ATP9B: variants seen among roughly 807,000 people sequenced by gnomAD.
The protein encoded by ATP9B is ATPase phospholipid transporting 9B.
Under a neutral mutation model 146.1 loss-of-function variants are expected in ATP9B, and 110 were observed. The ratio of observed to expected loss-of-function variants is 0.75; its 90% CI spans 0.65 to 0.88. ATP9B has a LOEUF of 0.88. ATP9B is among the 40% of genes least tolerant of loss of function. The pLI, the probability that ATP9B is intolerant of heterozygous loss-of-function variation, is 0.00. For missense variants in ATP9B, 1,499 were observed against 1,496.4 expected (o/e 1.00, Z -0.03); for synonymous variants, 604 against 569.7 (o/e 1.06, Z -0.86).
chr18:79,136,133 AATT>A (rs2094444823), intron 5 of ATP9B, among the ~76,000 whole-genome samples: 1 of 151,286 alleles, frequency 6.6e-6, no homozygotes, highest in Non-Finnish European at 1.5e-5. Context: ...TAATACAACT[AATT>A]ATTAATACAA....
At chr18:79,089,071 G>A (rs1363971719) in intron 1 of ATP9B, among the ~76,000 whole-genome samples, 1 of 152,060 alleles carries the variant, frequency 6.6e-6, no homozygotes, top group African/African-American at 2.4e-5. Context: ...CTTTGTGATG[G>A]CATAAGAATG....
intron 29 of ATP9B, chr18:79,376,133 G>C: frequency 1.0e-6 from 1 of 975,720 alleles, no homozygotes; most frequent in Non-Finnish European, 1.2e-6. Context: ...GCTGCCCTCT[G>C]TTGCCCCCAG....
intron 21 of ATP9B, among the ~76,000 whole-genome samples, chr18:79,345,016 G>A (rs2096878746): frequency 2.0e-5 from 3 of 152,194 alleles, no homozygotes; most frequent in Admixed American, 2.0e-4. Context: ...GTTGTTGCTA[G>A]TGTCCTCAGA....
At chr18:79,281,505 A>G (rs994909816) in intron 13 of ATP9B, among the ~76,000 whole-genome samples, 5 of 152,214 alleles carry the variant, frequency 3.3e-5, no homozygotes, top group African/African-American at 1.2e-4. Context: ...TTCAAAAAAA[A>G]AAAGTAAGAC....
chr18:79,351,366 A>AGTAACTCT (rs1234834500), intron 25 of ATP9B, among the ~76,000 whole-genome samples: 13 of 152,188 alleles, frequency 8.5e-5, no homozygotes, highest in Non-Finnish European at 1.9e-4. Flanking sequence ...CTTCATGTAA[A>AGTAACTCT]GTAACTCTGA....
At chr18:79,355,584 A>C (rs1289651570) in intron 25 of ATP9B, among the ~76,000 whole-genome samples, 2 of 152,200 alleles carry the variant, frequency 1.3e-5, no homozygotes, top group African/African-American at 4.8e-5. Flanking sequence ...CTGAAAAAAA[A>C]TGGATCAGAG....
intron 12 of ATP9B, among the ~76,000 whole-genome samples, chr18:79,270,379 T>C: frequency 6.6e-6 from 1 of 152,196 alleles, no homozygotes; most frequent in South Asian, 2.1e-4. Context: ...TATTTTACTT[T>C]AAAATTTTTA....
chr18:79,179,242 G>C (rs2095220560), intron 8 of ATP9B, among the ~76,000 whole-genome samples: 1 of 151,644 alleles, frequency 6.6e-6, no homozygotes, highest in African/African-American at 2.4e-5. Context: ...ACTTGTTTTT[G>C]GTTTCATTGA....
At chr18:79,100,791 C>T (rs1043273442) in intron 2 of ATP9B, among the ~76,000 whole-genome samples, 11 of 152,160 alleles carry the variant, frequency 7.2e-5, no homozygotes, top group African/African-American at 2.6e-4. Context: ...TGGCAGAAGG[C>T]AAGGAGGAAC....
intron 7 of ATP9B, among the ~76,000 whole-genome samples, chr18:79,166,991 G>A (rs906247183): frequency 2.6e-5 from 4 of 152,172 alleles, no homozygotes; most frequent in Non-Finnish European, 5.9e-5. Context: ...TCTGTGTGAG[G>A]CTGTGGCCAA....
intron 4 of ATP9B, among the ~76,000 whole-genome samples, chr18:79,114,754 G>A (rs1036980471): frequency 6.6e-6 from 1 of 152,050 alleles, no homozygotes; most frequent in South Asian, 2.1e-4. Context: ...TAACACTGTG[G>A]CGCTCATCCC....
chr18:79,120,215 T>C (rs967262976), intron 4 of ATP9B, among the ~76,000 whole-genome samples: 1 of 152,224 alleles, frequency 6.6e-6, no homozygotes, highest in Admixed American at 6.5e-5. Flanking sequence ...TCTTTTGTTC[T>C]CTAAGGTTCT....
rs2094417109 is a variant in ATP9B at position 79,134,044 on chromosome 18, C to T, written c.667+7669C>T. Reference sequence around the variant, plus strand: ...AAGTGCATCTGATGCCATTTTATGGCTTAGAACCCTTGAGTCGCATGTGAC... The same window carrying T: ...AAGTGCATCTGATGCCATTTTATGGTTTAGAACCCTTGAGTCGCATGTGAC... On this transcript the variant is annotated intron_variant, in intron 5 of 29. Coordinates refer to ENST00000426216, the MANE Select transcript of ATP9B (RefSeq NM_198531.5). Among the ~76,000 whole-genome samples the T allele has an allele frequency of 5.3e-5, 8 of 152,336 alleles. No homozygotes were observed. In the South Asian group the frequency reaches 1.7e-3, roughly 32 times the overall value.
rs375351848 is a variant in ATP9B at position 79,071,884 on chromosome 18, GT to G, written c.119+2359del. On this transcript the variant is annotated intron_variant, in intron 1 of 29. Transcript: ENST00000426216. ...TGGATTTCTTTGGATTTCATGTTTG[GT>G]TTTGTTTTTTTTTTTTTTTTTGGTT... Among the ~76,000 whole-genome samples, 7 of 79,872 alleles carry G rather than the reference GT, an allele frequency of 8.8e-5. No individual in the cohort carries two copies. In the South Asian group the frequency reaches 3.9e-3, roughly 45 times the overall value. The allele number at this position is 79,872 out of a possible 152,430, so 52.4% of individuals were successfully genotyped here.
At chr18:79,195,319 C>G (rs2095408291) in intron 9 of ATP9B, among the ~76,000 whole-genome samples, 1 of 152,176 alleles carries the variant, frequency 6.6e-6, no homozygotes, top group African/African-American at 2.4e-5. Context: ...GTGATCATAG[C>G]TCATTGCAAC....
chr18:79,125,281 G>T (rs949599039), intron 4 of ATP9B, among the ~76,000 whole-genome samples: 1 of 152,168 alleles, frequency 6.6e-6, no homozygotes, highest in Admixed American at 6.5e-5. Context: ...TGGCAGAGGG[G>T]CTGAAAAGGA....
chr18:79,144,211 C>G (rs2147434647), intron 6 of ATP9B: 1 of 163,072 alleles, frequency 6.1e-6, no homozygotes, highest in South Asian at 2.0e-4. Flanking sequence ...AATCATCCCT[C>G]AATATCCATG....
chr18:79,120,591 T>C (rs1435107524), intron 4 of ATP9B, among the ~76,000 whole-genome samples: 1 of 152,198 alleles, frequency 6.6e-6, no homozygotes, highest in Non-Finnish European at 1.5e-5. Context: ...TTACTTTTCA[T>C]ACTCAGCTTT....
chr18:79,251,234 T>A (rs542265224), intron 11 of ATP9B, among the ~76,000 whole-genome samples: 98 of 152,310 alleles, frequency 6.4e-4, no homozygotes, highest in African/African-American at 2.1e-3. Flanking sequence ...CCCCGCTGAA[T>A]GCGGCATCCC....
Sources: gnomAD v4.1 joint callset for allele counts (sites outside exome capture counted in the v4.1 genomes callset) on GRCh38, gnomAD v4.1.1 for gene constraint, MANE v1.5 for transcripts, NCBI Gene and HGNC (gene_info 2026-07-23, HGNC 2026-07-21) for gene names.